The following PAK3 variants were observed in gnomAD, a reference collection of about 807,000 sequenced individuals.
The protein encoded by PAK3 is serine/threonine-protein kinase PAK 3.
A neutral mutation model predicts 41.0 loss-of-function variants in PAK3; 4 were observed. The observed-to-expected ratio is 0.10, with a 90% CI of 0.05 to 0.22. The LOEUF (loss-of-function observed/expected upper bound fraction) is 0.22. Among genes scored for constraint, PAK3 ranks in the 10% least tolerant of loss-of-function variants. PAK3 has a pLI of 1.00. For synonymous variants in PAK3, 146 were observed against 139.6 expected, an observed-to-expected ratio of 1.05 and a Z score of -0.32; for missense variants, 205 against 409.9, an observed-to-expected ratio of 0.50 and a Z score of 4.32.
chrX:111,100,849 T>G (rs1040304351), intron 3 of PAK3, among the ~76,000 whole-genome samples: 2 of 111,225 alleles, frequency 1.8e-5, no homozygotes, highest in African/African-American at 6.6e-5. Flanking sequence ...ATGTACAAGA[T>G]GTGTGCACTG....
chrX:110,949,835 C>G (rs2090704417), intron 1 of PAK3, among the ~76,000 whole-genome samples: 1 of 111,556 alleles, frequency 9.0e-6, no homozygotes, highest in Admixed American at 9.5e-5. Flanking sequence ...AGTGGGGAAG[C>G]TAGGCAGGTG....
At chrX:110,963,297 C>T (rs765138804) in intron 1 of PAK3, among the ~76,000 whole-genome samples, 1 of 112,018 alleles carries the variant, frequency 8.9e-6, no homozygotes, top group South Asian at 3.7e-4. Context: ...CTGTCCAGTC[C>T]TCATGCTGTG....
At chrX:111,049,518 C>A (rs989565460) in intron 1 of PAK3, among the ~76,000 whole-genome samples, 1 of 111,626 alleles carries the variant, frequency 9.0e-6, no homozygotes, top group African/African-American at 3.3e-5. Context: ...ATACAAACAA[C>A]AATCAATAAA....
At chrX:110,996,572 G>T (rs1052011474) in intron 1 of PAK3, among the ~76,000 whole-genome samples, 1 of 111,821 alleles carries the variant, frequency 8.9e-6, no homozygotes, top group Non-Finnish European at 1.9e-5. Context: ...GGTCATGAGG[G>T]TGGGGCTTTG....
At position 111,039,957 on chromosome X, in the gene PAK3, TG is replaced by T. The variant is rs1260137748; in HGVS notation, c.-27-83118del. Among the ~76,000 whole-genome samples the T allele has an allele frequency of 1.3e-4, 12 of 93,156 alleles. No homozygotes were observed. In the Admixed American group the frequency reaches 1.3e-3, roughly 10 times the overall value. The allele number at this position is 93,156 out of a possible 115,157, so 80.9% of individuals were successfully genotyped here. A position where few individuals can be genotyped will look rare whatever the true frequency, so the allele number is the denominator to read the frequency against. On this transcript the variant is annotated intron_variant, in intron 1 of 14. Coordinates refer to the PAK3 transcript ENST00000425146. The stretch of plus-strand genomic sequence containing the variant: ...GCATGTTAGAGAATGGCTGAGGCCC[TG>T]GAGTATTTTAACCACTCTGGGAAAA...
Position 111,204,540 on chromosome X carries a change from G to T in PAK3, c.1407+7900G>T, listed in dbSNP as rs186820072. ...TTTTATCCTATGGCTTTTGAAATCT[G>T]TGTTTTTGCCAATGAAGAATTATTT... On this transcript the variant is annotated intron_variant, in intron 16 of 17. Transcript: ENST00000372007. Among the ~76,000 whole-genome samples the T allele has an allele frequency of 3.4e-4, 38 of 111,588 alleles. No homozygotes were observed. In the East Asian group the frequency reaches 0.01, roughly 30 times the overall value.
At chrX:111,067,154 T>A (rs1312896685) in intron 1 of PAK3, among the ~76,000 whole-genome samples, 1 of 111,975 alleles carries the variant, frequency 8.9e-6, no homozygotes, top group East Asian at 2.8e-4. Context: ...CTCTTATTTT[T>A]AAATTTATTT....
intron 3 of PAK3, 116 bp from the exon 4 acceptor site, chrX:111,103,043 A>ATG (rs200618448): frequency 0.028 from 2,998 of 108,007 alleles, 101 homozygotes; most frequent in African/African-American, 0.087. Flanking sequence ...GAGAGAGAGT[A>ATG]TGTGTGTGTG....
At position 111,025,961 on chromosome X, in the gene PAK3, T is replaced by A. The variant is rs772025028; in HGVS notation, c.-28+81333T>A. Among the ~76,000 whole-genome samples the A allele has an allele frequency of 3.6e-5, 4 of 111,129 alleles. No homozygotes were observed. The East Asian group carries it at 1.1e-3, about 31-fold the overall frequency. On this transcript the variant is annotated intron_variant, in intron 1 of 14. Transcript: ENST00000425146. Reference sequence around the variant, plus strand: ...ATATCAAAAAGATAATCCACCATGATCAAGTGAGTTTCATATGAGGGATGC... The same window carrying A: ...ATATCAAAAAGATAATCCACCATGAACAAGTGAGTTTCATATGAGGGATGC...
At chrX:111,187,665 A>T (rs1348770645) in intron 11 of PAK3, among the ~76,000 whole-genome samples, 2 of 111,189 alleles carry the variant, frequency 1.8e-5, no homozygotes, top group East Asian at 5.6e-4. Context: ...AAATTGTTAG[A>T]ATATGTAAAA....
chrX:111,064,907 C>T (rs1218227370), intron 1 of PAK3, among the ~76,000 whole-genome samples: 3 of 112,669 alleles, frequency 2.7e-5, no homozygotes, highest in Non-Finnish European at 5.6e-5. Flanking sequence ...TTTACACTCC[C>T]ACCAGCAATG....
rs1312934063 is a variant in PAK3 at position 111,222,019 on chromosome X, A to G, written c.*1572A>G. 8.9e-6 allele frequency: 1 copy of G among 112,071 alleles called. No individual in the cohort carries two copies. Among genetic ancestry groups the G allele is most frequent in the East Asian group, 2.8e-4 (1 of 3,590 alleles). The allele number at this position is 112,071 out of a possible 1,213,427, so 9.2% of individuals were successfully genotyped here. On this transcript the variant is annotated 3_prime_UTR_variant, in exon 18 of 18. Transcript: ENST00000372007. ...TCTGAGAGTAGAAAAATATCTGCGG[A>G]GTGTCTGTGTAGAAAAGGATATGCC... is the stretch of plus-strand genomic sequence containing the variant.
At chrX:111,060,528 ATTCAC>A (rs1197965281) in intron 1 of PAK3, among the ~76,000 whole-genome samples, 1 of 111,446 alleles carries the variant, frequency 9.0e-6, no homozygotes, top group Non-Finnish European at 1.9e-5. Flanking sequence ...GTTTTGTAGA[ATTCAC>A]CAGTGAAGAC....
intron 1 of PAK3, among the ~76,000 whole-genome samples, chrX:110,951,415 G>A (rs997837141): frequency 5.4e-5 from 6 of 111,987 alleles, no homozygotes; most frequent in African/African-American, 1.9e-4. Flanking sequence ...TATACAGTTG[G>A]CTCATTATTT....
At chrX:111,099,300 G>A (rs1292970155) in intron 3 of PAK3, among the ~76,000 whole-genome samples, 2 of 111,968 alleles carry the variant, frequency 1.8e-5, no homozygotes, top group African/African-American at 6.5e-5. Flanking sequence ...ATGTTAATCA[G>A]TGCAATAGAT....
intron 8 of PAK3, 34 bp downstream of exon 8, chrX:111,152,481 T>G (rs780675091): frequency 1.0e-6 from 1 of 1,004,079 alleles, no homozygotes; most frequent in African/African-American, 1.9e-5. Flanking sequence ...TTCACATGAT[T>G]GGTGTTTCCA....
intron 1 of PAK3, among the ~76,000 whole-genome samples, chrX:110,952,015 A>C (rs1464446201): frequency 8.9e-6 from 1 of 112,448 alleles, no homozygotes; most frequent in Non-Finnish European, 1.9e-5. Context: ...GGCTTCCTGC[A>C]AAGAGGACAA....
chrX:110,949,959 C>T (rs1406993157), intron 1 of PAK3, among the ~76,000 whole-genome samples: 2 of 110,973 alleles, frequency 1.8e-5, no homozygotes, highest in Non-Finnish European at 3.8e-5. Context: ...CACTTCTCTC[C>T]AGATTTCTTA....
At chrX:111,101,314 C>A (rs759235050) in intron 3 of PAK3, among the ~76,000 whole-genome samples, 80 of 111,832 alleles carry the variant, frequency 7.2e-4, no homozygotes, top group Non-Finnish European at 7.2e-4. Flanking sequence ...CACCCCCAGG[C>A]AGGTGAGAGG....
Sources: gnomAD v4.1 joint callset for allele counts (sites outside exome capture counted in the v4.1 genomes callset) on GRCh38, gnomAD v4.1.1 for gene constraint, MANE v1.5 for transcripts, NCBI Gene and HGNC (gene_info 2026-07-23, HGNC 2026-07-21) for gene names.